Variants in PEX5L observed in about 807,000 individuals in gnomAD.
PEX5L encodes the protein peroxisomal biogenesis factor 5 like.
Under a neutral mutation model 84.0 loss-of-function variants are expected in PEX5L, and 30 were observed. That is an observed-to-expected ratio of 0.36 (90% CI 0.27 to 0.48). The LOEUF is 0.48. Ranked by LOEUF, PEX5L falls within the 20% of genes least tolerant of loss-of-function variation. PEX5L has a pLI of 0.99. For synonymous variants in PEX5L, 270 were observed against 283.1 expected, an observed-to-expected ratio of 0.95 and a Z score of 0.46; for missense variants, 533 against 754.6, an observed-to-expected ratio of 0.71 and a Z score of 3.44.
At chr3:180,002,604 T>C (rs144212295) in intron 1 of PEX5L, among the ~76,000 whole-genome samples, 1 of 152,264 alleles carries the variant, frequency 6.6e-6, no homozygotes, top group East Asian at 1.9e-4. Context: ...TTGTATAGTA[T>C]ATCCATTTAC....
At chr3:179,981,647 T>C (rs969274726) in intron 1 of PEX5L, among the ~76,000 whole-genome samples, 4 of 152,112 alleles carry the variant, frequency 2.6e-5, no homozygotes, top group Non-Finnish European at 5.9e-5. Context: ...CTTAGTAATA[T>C]GAAAAATTAT....
intron 3 of PEX5L, among the ~76,000 whole-genome samples, chr3:179,889,659 T>C (rs950662726): frequency 2.6e-5 from 4 of 152,180 alleles, no homozygotes; most frequent in Non-Finnish European, 5.9e-5. Context: ...TATTAATCTT[T>C]TATTTTAGGA....
chr3:180,006,130 G>T (rs1419680128), intron 1 of PEX5L, among the ~76,000 whole-genome samples: 1 of 152,128 alleles, frequency 6.6e-6, no homozygotes, highest in Non-Finnish European at 1.5e-5. Context: ...TTCTCAGGTT[G>T]TTCTGTGCTT....
chr3:179,979,527 G>C (rs1349812755), intron 1 of PEX5L, among the ~76,000 whole-genome samples: 1 of 152,074 alleles, frequency 6.6e-6, no homozygotes, highest in Non-Finnish European at 1.5e-5. Flanking sequence ...ACTCCTTTTT[G>C]GTGGTTTTAA....
At chr3:179,898,359 G>A in intron 2 of PEX5L, 113 bp from the exon 3 acceptor site, 2 of 650,302 alleles carry the variant, frequency 3.1e-6, no homozygotes, top group Non-Finnish European at 5.0e-6. Flanking sequence ...GAGGTAGGCT[G>A]CTGCAAGTGA....
At chr3:180,016,976 AGAGT>A (rs572955101) in intron 1 of PEX5L, among the ~76,000 whole-genome samples, 116 of 152,338 alleles carry the variant, frequency 7.6e-4, no homozygotes, top group African/African-American at 2.6e-3. Context: ...TTATGTAAAA[AGAGT>A]GAGTAATGTT....
At chr3:179,959,259 CA>C (rs1781422047) in intron 2 of PEX5L, among the ~76,000 whole-genome samples, 2 of 152,084 alleles carry the variant, frequency 1.3e-5, no homozygotes, top group Admixed American at 6.6e-5. Flanking sequence ...ACACGTGGAG[CA>C]CTGGAAAACC....
intron 3 of PEX5L, among the ~76,000 whole-genome samples, chr3:179,888,842 G>T (rs1000475882): frequency 6.6e-6 from 1 of 151,908 alleles, no homozygotes; most frequent in Non-Finnish European, 1.5e-5. Flanking sequence ...ATAACTCACC[G>T]CATCCTCGAA....
At chr3:179,944,220 T>C (rs1332352125) in intron 2 of PEX5L, among the ~76,000 whole-genome samples, 1 of 152,218 alleles carries the variant, frequency 6.6e-6, no homozygotes. Context: ...AGAGCAACTA[T>C]TAACTCAGAT....
At chr3:179,890,071 T>A (rs1757139371) in intron 3 of PEX5L, among the ~76,000 whole-genome samples, 1 of 152,192 alleles carries the variant, frequency 6.6e-6, no homozygotes, top group Admixed American at 6.5e-5. Flanking sequence ...TATGTAACAG[T>A]TTCCAAAGGA....
intron 1 of PEX5L, among the ~76,000 whole-genome samples, chr3:180,018,202 A>G (rs1367499315): frequency 5.9e-5 from 9 of 152,220 alleles, no homozygotes; most frequent in Admixed American, 5.9e-4. Flanking sequence ...CATATGAACA[A>G]AAGTAAAACA....
chr3:179,913,551 G>A (rs1295513913), intron 2 of PEX5L, among the ~76,000 whole-genome samples: 1 of 152,032 alleles, frequency 6.6e-6, no homozygotes, highest in Admixed American at 6.5e-5. Context: ...AAAACAATTT[G>A]CTCAGTAGGC....
intron 1 of PEX5L, among the ~76,000 whole-genome samples, chr3:179,972,695 C>A (rs1385472576): frequency 6.6e-6 from 1 of 152,110 alleles, no homozygotes; most frequent in East Asian, 1.9e-4. Context: ...GAGATATATC[C>A]TTCAGTGAAC....
chr3:179,849,923 G>A (rs1381421986), intron 8 of PEX5L, among the ~76,000 whole-genome samples: 1 of 152,124 alleles, frequency 6.6e-6, no homozygotes, highest in Non-Finnish European at 1.5e-5. Context: ...AGACTTATCA[G>A]TGAATAACTA....
chr3:180,034,303 C>T (rs1259275140), intron 1 of PEX5L, among the ~76,000 whole-genome samples: 2 of 152,160 alleles, frequency 1.3e-5, no homozygotes, highest in Non-Finnish European at 2.9e-5. Context: ...CCAAAGCTGG[C>T]AGAAATGTTA....
chr3:179,968,727 G>C (rs1006547711), intron 2 of PEX5L, among the ~76,000 whole-genome samples: 16 of 146,528 alleles, frequency 1.1e-4, no homozygotes, highest in South Asian at 2.1e-4. Context: ...GTGTGTCTGT[G>C]TGTGTCTGTG....
chr3:179,890,043 G>A (rs886363369), intron 3 of PEX5L, among the ~76,000 whole-genome samples: 3 of 152,142 alleles, frequency 2.0e-5, no homozygotes, highest in Admixed American at 6.5e-5. Context: ...TGTAGTTAGT[G>A]CATGTCCAAA....
chr3:179,819,808 T>A, intron 9 of PEX5L, 52 bp downstream of exon 9: 1 of 1,485,318 alleles, frequency 6.7e-7, no homozygotes, highest in South Asian at 1.1e-5. Context: ...TAAAATATGA[T>A]CCAAAAAGGT....
chr3:180,024,319 C>T (rs1790702452), intron 1 of PEX5L, among the ~76,000 whole-genome samples: 2 of 140,728 alleles, frequency 1.4e-5, no homozygotes, highest in Non-Finnish European at 3.0e-5. Flanking sequence ...ACCATCCTGG[C>T]TAACACTGTG....
Sources: allele counts gnomAD v4.1 joint callset (sites outside exome capture counted in the v4.1 genomes callset), GRCh38; gene constraint gnomAD v4.1.1; transcripts MANE v1.5; gene names NCBI Gene and HGNC (gene_info 2026-07-23, HGNC 2026-07-21).